HHAT: variants seen among roughly 807,000 people sequenced by gnomAD.
The protein encoded by HHAT is protein-cysteine N-palmitoyltransferase HHAT.
A neutral mutation model predicts 70.8 loss-of-function variants in HHAT; 47 were observed. The ratio of observed to expected loss-of-function variants is 0.66; its 90% CI spans 0.53 to 0.85. HHAT has a LOEUF of 0.85. Ranked by LOEUF, HHAT falls within the 40% of genes least tolerant of loss-of-function variation. The probability of loss-of-function intolerance (pLI) is 0.00; values close to 1 mark genes in which losing one functional copy is unlikely to be tolerated. For missense variants in HHAT, 609 were observed against 604.8 expected, an observed-to-expected ratio of 1.01 and a Z score of -0.07; for synonymous variants, 228 against 247.6, an observed-to-expected ratio of 0.92 and a Z score of 0.74.
In HHAT at chr1:210,550,304, C is replaced by T. The variant is rs142347600; in HGVS notation, c.1043+37116C>T. On this transcript the variant is annotated intron_variant, in intron 9 of 11. Coordinates refer to ENST00000261458, the MANE Select transcript of HHAT (RefSeq NM_018194.6). The stretch of plus-strand genomic sequence containing the variant: ...CATGGTTAGTTAATATATGTACATC[C>T]AAAAGCACATGAAAGAGAAGAAATC... Among the ~76,000 whole-genome samples, 1,011 of 149,250 alleles carry T rather than the reference C, an allele frequency of 6.8e-3. 45 individuals carry two copies. Among genetic ancestry groups the T allele is most frequent in the Middle Eastern group, 0.028 (8 of 290 alleles).
At chr1:210,482,987 C>G in intron 8 of HHAT, among the ~76,000 whole-genome samples, 1 of 152,182 alleles carries the variant, frequency 6.6e-6, no homozygotes, top group East Asian at 1.9e-4. Context: ...TCCAAAGATA[C>G]TATGCTGTAT....
intron 7 of HHAT, among the ~76,000 whole-genome samples, chr1:210,431,700 T>A (rs1445247300): frequency 6.6e-6 from 1 of 151,742 alleles, no homozygotes; most frequent in African/African-American, 2.4e-5. Flanking sequence ...ATCCCATGAT[T>A]AGTTGTAACC....
chr1:210,600,380 A>C (rs566960247), intron 10 of HHAT, among the ~76,000 whole-genome samples: 1 of 152,216 alleles, frequency 6.6e-6, no homozygotes, highest in Non-Finnish European at 1.5e-5. Context: ...ATACCGAAAA[A>C]AACTAAAACT....
intron 10 of HHAT, among the ~76,000 whole-genome samples, chr1:210,596,897 G>T (rs1663133048): frequency 6.6e-6 from 1 of 152,080 alleles, no homozygotes; most frequent in Admixed American, 6.6e-5. Context: ...TTGGTATTTG[G>T]CCATTGAAGA....
In HHAT at chr1:210,543,350, C is replaced by CT. The variant is rs74605164; in HGVS notation, c.1043+30173dup. On this transcript the variant is annotated intron_variant, in intron 9 of 11. Coordinates refer to ENST00000261458, the MANE Select transcript of HHAT (RefSeq NM_018194.6). ...ATTAATAATGCTCCAGGGTGTTTTT[C>CT]TTTTTTTTTTTCCTTCTTTTTCTGT... Among the ~76,000 whole-genome samples the CT allele has an allele frequency of 1.6e-3, 240 of 146,796 alleles. 3 individuals carry two copies. Among genetic ancestry groups the CT allele is most frequent in the African/African-American group, 4.9e-3 (195 of 40,030 alleles).
chr1:210,653,988 T>C, intron 11 of HHAT, among the ~76,000 whole-genome samples: 1 of 93,520 alleles, frequency 1.1e-5, no homozygotes, highest in Non-Finnish European at 2.1e-5. Flanking sequence ...GGGAATAGTG[T>C]GACGGGAATA....
intron 9 of HHAT, among the ~76,000 whole-genome samples, chr1:210,585,766 C>A (rs1660302959): frequency 6.6e-6 from 1 of 151,994 alleles, no homozygotes; most frequent in Admixed American, 6.6e-5. Flanking sequence ...GGGATATAGC[C>A]AAGGAGCAAG....
intron 7 of HHAT, among the ~76,000 whole-genome samples, chr1:210,418,785 C>G (rs2092804055): frequency 6.6e-6 from 1 of 152,244 alleles, no homozygotes; most frequent in South Asian, 2.1e-4. Context: ...GTAATCCAAG[C>G]ACTTTGGGAG....
chr1:210,460,802 G>T (rs2093964100), intron 7 of HHAT, among the ~76,000 whole-genome samples: 1 of 152,160 alleles, frequency 6.6e-6, no homozygotes, highest in South Asian at 2.1e-4. Context: ...GGATAAATGA[G>T]ACTGCAGTGA....
chr1:210,559,728 T>A (rs1027558036), intron 9 of HHAT, among the ~76,000 whole-genome samples: 8 of 152,108 alleles, frequency 5.3e-5, no homozygotes, highest in Non-Finnish European at 1.2e-4. Flanking sequence ...GACAATATGC[T>A]GGCTGCTCTA....
chr1:210,396,096 C>G (rs2091768747), intron 4 of HHAT, among the ~76,000 whole-genome samples: 2 of 152,180 alleles, frequency 1.3e-5, no homozygotes, highest in South Asian at 4.1e-4. Flanking sequence ...AGATCTATGT[C>G]TCATCAAAAA....
chr1:210,348,972 A>G lies in HHAT; in HGVS notation c.-4A>G. 1 of 1,613,662 alleles carries G rather than the reference A, an allele frequency of 6.2e-7. No homozygotes were observed. Among genetic ancestry groups the G allele is most frequent in the Non-Finnish European group, 8.5e-7 (1 of 1,179,882 alleles). On this transcript the variant is annotated 5_prime_UTR_variant, in exon 2 of 12. Coordinates refer to ENST00000261458, the MANE Select transcript of HHAT (RefSeq NM_018194.6). ...GGCATCGGGAACCTTCGTGCCAAGG[A>G]GCCATGCTGCCCCGATGGGAACTGG...
intron 9 of HHAT, among the ~76,000 whole-genome samples, chr1:210,584,750 T>TC (rs1258266022): frequency 6.6e-6 from 1 of 152,150 alleles, no homozygotes; most frequent in East Asian, 1.9e-4. Flanking sequence ...CACACCCTTC[T>TC]CCCCTGCACT....
chr1:210,555,270 C>T (rs1044823077), intron 9 of HHAT, among the ~76,000 whole-genome samples: 7 of 152,234 alleles, frequency 4.6e-5, no homozygotes, highest in Admixed American at 1.3e-4. Context: ...CGTAGTTCTA[C>T]TCACCCTGAC....
At chr1:210,534,575 A>G (rs1202703872) in intron 9 of HHAT, among the ~76,000 whole-genome samples, 2 of 152,188 alleles carry the variant, frequency 1.3e-5, no homozygotes, top group African/African-American at 4.8e-5. Context: ...TGAGATGTCT[A>G]GGGGATGGTA....
intron 3 of HHAT, among the ~76,000 whole-genome samples, chr1:210,376,038 T>G (rs2090181278): frequency 2.1e-5 from 2 of 96,452 alleles, no homozygotes; most frequent in East Asian, 5.1e-4. Flanking sequence ...TTTTTTTTTG[T>G]ATTTTTACTA....
intron 1 of HHAT, 183 bp downstream of exon 1, chr1:210,329,287 G>T: frequency 8.2e-7 from 1 of 1,226,190 alleles, no homozygotes; most frequent in Non-Finnish European, 1.0e-6. Context: ...AAAGCGGCGG[G>T]GGCCGCGCGC....
chr1:210,440,872 C>T (rs1245851348), intron 7 of HHAT, among the ~76,000 whole-genome samples: 2 of 152,110 alleles, frequency 1.3e-5, no homozygotes, highest in African/African-American at 4.8e-5. Flanking sequence ...GTTTCTTGAA[C>T]CTATCAGTTT....
chr1:210,455,957 G>A (rs975670805), intron 7 of HHAT, among the ~76,000 whole-genome samples: 3 of 152,116 alleles, frequency 2.0e-5, no homozygotes, highest in Admixed American at 1.3e-4. Context: ...GAGAAGCCAC[G>A]CCTGAAGGGT....
Sources: gnomAD v4.1 joint callset for allele counts (sites outside exome capture counted in the v4.1 genomes callset) on GRCh38, gnomAD v4.1.1 for gene constraint, MANE v1.5 for transcripts, NCBI Gene and HGNC (gene_info 2026-07-23, HGNC 2026-07-21) for gene names.